ALG6: variants seen among roughly 807,000 people sequenced by gnomAD.
ALG6 encodes the protein dolichyl pyrophosphate Man9GlcNAc2 alpha-1,3-glucosyltransferase.
A neutral mutation model predicts 66.6 loss-of-function variants in ALG6; 46 were observed. The ratio of observed to expected loss-of-function variants is 0.69; its 90% CI spans 0.55 to 0.88. ALG6 has a LOEUF of 0.88. Ranked by LOEUF, ALG6 falls within the 40% of genes least tolerant of loss-of-function variation. The probability of loss-of-function intolerance (pLI) is 0.00; values close to 1 mark genes in which losing one functional copy is unlikely to be tolerated. For missense variants in ALG6, 505 were observed against 586.8 expected, an observed-to-expected ratio of 0.86 and a Z score of 1.44; for synonymous variants, 185 against 203.7, an observed-to-expected ratio of 0.91 and a Z score of 0.78.
chr1:63,413,983 G>A, intron 9 of ALG6, 78 bp from the exon 10 acceptor site: 1 of 1,093,460 alleles, frequency 9.1e-7, no homozygotes, highest in African/African-American at 1.5e-5. Flanking sequence ...GTTTATTAGA[G>A]ATTATGGGCT....
chr1:63,412,002 A>G lies in ALG6; in HGVS notation c.757A>G (p.Arg253Gly). The G allele has an allele frequency of 6.2e-7, 1 of 1,614,114 alleles. No homozygotes were observed. ...VLCWLPFFTEREQTLQVLRRL... is the reference protein window; with the variant it reads ...VLCWLPFFTEGEQTLQVLRRL... ...CTGCTGGCTGCCATTCTTTACAGAA[A>G]GGGAACAAACCCTGCAGGTTCTAAG... Residue 253 changes from arginine (R) to glycine (G), a missense_variant, in exon 9 of 15, where the codon AGG (arginine) becomes GGG (glycine). By Grantham distance (125) the Arg-to-Gly change is moderately radical (BLOSUM62 -2). Coordinates refer to ENST00000263440, the MANE Select transcript of ALG6 (RefSeq NM_013339.4).
chr1:63,391,898 T>C (rs1403228918), intron 2 of ALG6, among the ~76,000 whole-genome samples: 1 of 152,220 alleles, frequency 6.6e-6, no homozygotes, highest in Non-Finnish European at 1.5e-5. Context: ...GATTTTAGTA[T>C]TGATTGTTTA....
intron 2 of ALG6, among the ~76,000 whole-genome samples, chr1:63,388,066 G>A (rs1362820839): frequency 6.6e-6 from 1 of 152,100 alleles, no homozygotes; most frequent in South Asian, 2.1e-4. Context: ...ACAGGTGCAC[G>A]CCACCATGCC....
In ALG6 at chr1:63,438,183, G is replaced by GT. The variant is rs1314400517; in HGVS notation, c.*1164dup. ...GACAGTCACAGGCTGATATAAGAAG[G>GT]TATGTGTTTCTAAGTCTGGTAAAGG... On this transcript the variant is annotated 3_prime_UTR_variant, in exon 15 of 15. Transcript: ENST00000263440. 6.6e-6 allele frequency: 1 copy of GT among 152,130 alleles called. No individual in the cohort carries two copies. The highest frequency in any genetic ancestry group is 1.5e-5 in the Non-Finnish European group (1 of 68,028). 9.4% of individuals were successfully genotyped at this position (152,130 alleles called of 1,614,324 possible).
At chr1:63,412,095 C>T in intron 9 of ALG6, 34 bp downstream of exon 9, 1 of 1,613,622 alleles carries the variant, frequency 6.2e-7, no homozygotes, top group Non-Finnish European at 8.5e-7. Context: ...CTTTCTGTTA[C>T]TGTACCTTAC....
chr1:63,436,981 G>A lies in ALG6; in HGVS notation c.1485G>A (p.Trp495Ter). 6.2e-7 allele frequency: 1 copy of A among 1,613,386 alleles called. No homozygotes were observed. Among genetic ancestry groups the A allele is most frequent in the African/African-American group, 1.3e-5 (1 of 74,984 alleles). ...TATACTTTAACATTATTATTATGTG[G>A]GATTCCAAAAGTGGAAGAAATCAGA... ...FLVYFNIIIM[W>*]DSKSGRNQKK... Residue 495 changes from tryptophan to a stop codon, truncating the protein, a stop_gained, in exon 15 of 15, where the codon TGG becomes TGA. Coordinates refer to ENST00000263440, the MANE Select transcript of ALG6 (RefSeq NM_013339.4). LOFTEE classifies it high-confidence loss of function.
chr1:63,383,695 TCA>T (rs1648410359), intron 2 of ALG6, among the ~76,000 whole-genome samples: 1 of 152,232 alleles, frequency 6.6e-6, no homozygotes, highest in Non-Finnish European at 1.5e-5. Context: ...ATTTATACTT[TCA>T]GTTATTTAAA....
At chr1:63,421,410 G>A (rs1022103584) in intron 12 of ALG6, among the ~76,000 whole-genome samples, 2 of 152,160 alleles carry the variant, frequency 1.3e-5, no homozygotes, top group African/African-American at 4.8e-5. Context: ...GGAAGATAGT[G>A]TGGTGATGCC....
In ALG6 at chr1:63,396,745, T is replaced by C. The variant is rs79290725; in HGVS notation, c.167+148T>C. The C allele has an allele frequency of 2.1e-3, 1,542 of 733,276 alleles. 22 individuals are homozygous for C. In the African/African-American group the frequency reaches 0.024, roughly 11 times the overall value. The allele number at this position is 733,276 out of a possible 1,614,324, so 45.4% of individuals were successfully genotyped here. ...CACATATGTATTGCCTTGCATTTTG[T>C]AGGCCTGTCTTTGAAATTTGATAGT... is the stretch of plus-strand genomic sequence containing the variant. On this transcript the variant is annotated intron_variant, in intron 3 of 14. Transcript: ENST00000263440.
At chr1:63,405,318 A>G (rs1356860052) in intron 5 of ALG6, among the ~76,000 whole-genome samples, 1 of 152,110 alleles carries the variant, frequency 6.6e-6, no homozygotes, top group East Asian at 1.9e-4. Flanking sequence ...ACCAATATCC[A>G]TACTTGCAGG....
At chr1:63,391,989 G>A (rs1648686425) in intron 2 of ALG6, among the ~76,000 whole-genome samples, 1 of 152,090 alleles carries the variant, frequency 6.6e-6, no homozygotes, top group Admixed American at 6.6e-5. Context: ...GGCAACACTT[G>A]AGCTGGGGAA....
chr1:63,411,786 T>G, intron 8 of ALG6, 140 bp from the exon 9 acceptor site: 1 of 1,171,792 alleles, frequency 8.5e-7, no homozygotes, highest in African/African-American at 1.5e-5. Flanking sequence ...TTGAGCACAC[T>G]CCCATCTTAA....
At chr1:63,369,753 C>T (rs998014080) in intron 1 of ALG6, among the ~76,000 whole-genome samples, 4 of 152,040 alleles carry the variant, frequency 2.6e-5, no homozygotes, top group African/African-American at 9.7e-5. Flanking sequence ...AAAGTGTATC[C>T]TGTGGTTAAA....
intron 8 of ALG6, among the ~76,000 whole-genome samples, 167 bp from the exon 9 acceptor site, chr1:63,411,759 A>G (rs1644517378): frequency 6.6e-6 from 1 of 152,128 alleles, no homozygotes; most frequent in Admixed American, 6.6e-5. Context: ...AGCTGTTGTG[A>G]ATTTTTTACC....
At chr1:63,399,217 C>G (rs1347977133) in intron 3 of ALG6, among the ~76,000 whole-genome samples, 2 of 152,202 alleles carry the variant, frequency 1.3e-5, no homozygotes, top group Non-Finnish European at 2.9e-5. Context: ...TGGCCATGCA[C>G]TAAAATATGC....
Position 63,414,092 on chromosome 1 carries a change from A to G in ALG6, c.848A>G (p.Asn283Ser), listed in dbSNP as rs1051168959. 3.1e-6 allele frequency: 5 copies of G among 1,612,990 alleles called. No individual in the cohort carries two copies. The African/African-American group carries it at 5.3e-5, about 17-fold the overall frequency. Residue 283 changes from asparagine (N) to serine (S), a missense_variant, in exon 10 of 15, where the codon AAT becomes AGT. Coordinates refer to ENST00000263440, the MANE Select transcript of ALG6 (RefSeq NM_013339.4). ...GTAGCCAATATTTGGTGCAGCTTCAATGTCTTTCTGAAGATTAAGGATATT... is the reference window on the plus strand; with the variant it reads ...GTAGCCAATATTTGGTGCAGCTTCAGTGTCTTTCTGAAGATTAAGGATATT... The part of the protein sequence containing the change: ...DKVANIWCSF[N>S]VFLKIKDILP...
chr1:63,421,544 A>G (rs1278957238), intron 12 of ALG6, among the ~76,000 whole-genome samples: 1 of 152,180 alleles, frequency 6.6e-6, no homozygotes, highest in Admixed American at 6.6e-5. Flanking sequence ...AAGGATTATA[A>G]ATCATTCTAC....
chr1:63,436,839 T>G lies in ALG6; in HGVS notation c.1343T>G (p.Ile448Ser), dbSNP rs1370736144. ...TCCTTGCAGTTTCTTATCTCAGTCATCACTATGGTGCTTCTGACGTTGATG... is the reference window on the plus strand; with the variant it reads ...TCCTTGCAGTTTCTTATCTCAGTCAGCACTATGGTGCTTCTGACGTTGATG... ...IIQYLFLISV[I>S]TMVLLTLMTV... is the part of the protein sequence containing the mutation. The change falls in exon 15 of 15, where the codon ATC (isoleucine) becomes AGC (serine). Residue 448 changes from isoleucine to serine, a missense_variant. By Grantham distance (142) the Ile-to-Ser change is moderately radical. Coordinates refer to ENST00000263440, the MANE Select transcript of ALG6 (RefSeq NM_013339.4). 6.2e-7 allele frequency: 1 copy of G among 1,613,858 alleles called. No homozygotes were observed. Among genetic ancestry groups the G allele is most frequent in the African/African-American group, 1.3e-5 (1 of 75,032 alleles).
chr1:63,425,737 T>C (rs962680608), intron 12 of ALG6, among the ~76,000 whole-genome samples: 1 of 152,198 alleles, frequency 6.6e-6, no homozygotes. Context: ...TCCAGGTTTA[T>C]GGTTTTGTCT....
Sources: gnomAD v4.1 joint callset for allele counts (sites outside exome capture counted in the v4.1 genomes callset) on GRCh38, gnomAD v4.1.1 for gene constraint, MANE v1.5 for transcripts, NCBI Gene and HGNC (gene_info 2026-07-23, HGNC 2026-07-21) for gene names.